ANKS1B: variants seen among roughly 807,000 people sequenced by gnomAD.
ANKS1B encodes the protein ankyrin repeat and sterile alpha motif domain-containing protein 1B.
In ANKS1B, 36 loss-of-function variants were observed where a neutral mutation model predicts 148.3. The ratio of observed to expected loss-of-function variants is 0.24; its 90% CI spans 0.19 to 0.32. The LOEUF (loss-of-function observed/expected upper bound fraction) is 0.32, where lower values mean the gene tolerates loss of function less well. Among genes scored for constraint, ANKS1B ranks in the 10% least tolerant of loss-of-function variants. ANKS1B has a pLI of 1.00. For missense variants in ANKS1B, 1,157 were observed against 1,542.6 expected (o/e 0.75, Z 4.19); for synonymous variants, 542 against 560.8 (o/e 0.97, Z 0.47).
intron 9 of ANKS1B, among the ~76,000 whole-genome samples, chr12:99,522,413 G>T (rs2096883833): frequency 6.6e-6 from 1 of 152,184 alleles, no homozygotes; most frequent in Non-Finnish European, 1.5e-5. Context: ...CTGCTTCAAA[G>T]TGACTAATCA....
At chr12:99,779,271 A>T (rs1254772736) in intron 6 of ANKS1B, among the ~76,000 whole-genome samples, 4 of 152,228 alleles carry the variant, frequency 2.6e-5, no homozygotes, top group African/African-American at 9.6e-5. Flanking sequence ...GGCTGGTAAG[A>T]CTGAGTTATT....
intron 9 of ANKS1B, among the ~76,000 whole-genome samples, chr12:99,544,025 A>G (rs1030083813): frequency 3.3e-5 from 5 of 152,342 alleles, no homozygotes; most frequent in African/African-American, 1.2e-4. Context: ...TTCTGCCACT[A>G]TGTTTCACAA....
intron 10 of ANKS1B, among the ~76,000 whole-genome samples, chr12:99,491,558 G>A (rs2096555552): frequency 6.6e-6 from 1 of 151,942 alleles, no homozygotes; most frequent in Non-Finnish European, 1.5e-5. Context: ...CCCACAAGTA[G>A]GCCCCAGGGT....
At chr12:99,124,411 T>G (rs984061132) in intron 15 of ANKS1B, among the ~76,000 whole-genome samples, 3 of 137,660 alleles carry the variant, frequency 2.2e-5, no homozygotes, top group Non-Finnish European at 4.7e-5. Flanking sequence ...CAAACTTATT[T>G]GTGTGCATGT....
In ANKS1B at chr12:99,718,327, A is replaced by G. The variant is rs1405250485; in HGVS notation, c.1128+54595T>C. 5.3e-5 allele frequency among the ~76,000 whole-genome samples: 8 copies of G among 151,860 alleles called. No homozygotes were observed. In the South Asian group the frequency reaches 6.2e-4, roughly 12 times the overall value. On this transcript the variant is annotated intron_variant, in intron 8 of 26. Coordinates refer to ENST00000683438, the MANE Select transcript of ANKS1B (RefSeq NM_001352186.2). ...TGGACTACAGCTGTATCTCATTGCC[A>G]CCCTTCTTCCCAATCCAAAGCCTCC...
intron 25 of ANKS1B, among the ~76,000 whole-genome samples, chr12:98,763,404 A>G (rs2098438611): frequency 6.6e-6 from 1 of 152,240 alleles, no homozygotes; most frequent in Admixed American, 6.5e-5. Flanking sequence ...AATATTAGCA[A>G]TTCTGCTAAG....
intron 12 of ANKS1B, among the ~76,000 whole-genome samples, chr12:99,327,322 A>ATT (rs2086606668): frequency 9.4e-6 from 1 of 105,866 alleles, no homozygotes; most frequent in African/African-American, 5.0e-5. Flanking sequence ...TTATAATTAC[A>ATT]TATTATATAT....
At chr12:98,782,191 T>A (rs927511958) in intron 22 of ANKS1B, 54 bp from the exon 23 acceptor site, 3 of 1,473,982 alleles carry the variant, frequency 2.0e-6, no homozygotes, top group Non-Finnish European at 2.8e-6. Flanking sequence ...AGAAAACATA[T>A]AAAAGGTGAG....
chr12:99,377,691 T>G (rs1425611657), intron 12 of ANKS1B, among the ~76,000 whole-genome samples: 1 of 152,178 alleles, frequency 6.6e-6, no homozygotes. Context: ...ATTGAAGGCA[T>G]TTGCATGTTT....
At chr12:98,912,076 G>A (rs184093635) in intron 17 of ANKS1B, among the ~76,000 whole-genome samples, 3 of 152,152 alleles carry the variant, frequency 2.0e-5, no homozygotes, top group Admixed American at 2.0e-4. Flanking sequence ...TTCATACCAG[G>A]CGCACTTCTA....
At chr12:99,540,545 G>C (rs2153119831) in intron 9 of ANKS1B, among the ~76,000 whole-genome samples, 1 of 152,210 alleles carries the variant, frequency 6.6e-6, no homozygotes, top group Non-Finnish European at 1.5e-5. Flanking sequence ...TGTGGAAATA[G>C]TCAACATGCT....
At position 99,275,082 on chromosome 12, in the gene ANKS1B, G is replaced by A. The variant is rs113512113; in HGVS notation, c.1757-28218C>T. 3.8e-3 allele frequency among the ~76,000 whole-genome samples: 584 copies of A among 152,232 alleles called. 2 individuals are homozygous for A. The highest frequency in any genetic ancestry group is 0.013 in the African/African-American group (549 of 41,532). ...AAATTTTTGTGGGTAGATAGTAGGT[G>A]TATGTATTAATGGAGTAAATGAAAC... is the stretch of plus-strand genomic sequence containing the variant. On this transcript the variant is annotated intron_variant, in intron 12 of 26. Transcript: ENST00000683438.
intron 1 of ANKS1B, among the ~76,000 whole-genome samples, chr12:99,876,729 CA>C (rs2092095031): frequency 9.3e-5 from 1 of 10,716 alleles, no homozygotes; most frequent in African/African-American, 8.1e-4. Context: ...CACTGCTTCT[CA>C]CAAAAAAAAA....
At chr12:99,333,123 GAA>G (rs1205837208) in intron 12 of ANKS1B, among the ~76,000 whole-genome samples, 3 of 152,050 alleles carry the variant, frequency 2.0e-5, no homozygotes, top group Non-Finnish European at 2.9e-5. Flanking sequence ...AGTACACAGA[GAA>G]AAGTAAAGGC....
intron 8 of ANKS1B, among the ~76,000 whole-genome samples, chr12:99,702,512 G>C (rs4986696): frequency 0.19 from 28,795 of 151,920 alleles, 3,213 homozygotes; most frequent in East Asian, 0.46. Flanking sequence ...TTTGTTGATT[G>C]CTTACTTTCC....
intron 9 of ANKS1B, among the ~76,000 whole-genome samples, chr12:99,538,338 T>C (rs1192073880): frequency 6.6e-6 from 1 of 152,146 alleles, no homozygotes; most frequent in African/African-American, 2.4e-5. Flanking sequence ...AATCTGTACA[T>C]TTCTTTGGGT....
chr12:98,991,057 C>A (rs571771731), intron 17 of ANKS1B, among the ~76,000 whole-genome samples: 1 of 152,120 alleles, frequency 6.6e-6, no homozygotes, highest in African/African-American at 2.4e-5. Flanking sequence ...GGATGAGGGA[C>A]CTCAGGAAGA....
chr12:99,507,621 G>A (rs1797743654), intron 9 of ANKS1B, among the ~76,000 whole-genome samples: 1 of 151,764 alleles, frequency 6.6e-6, no homozygotes, highest in Admixed American at 6.6e-5. Flanking sequence ...TCCTAATGGA[G>A]GGCCATAATT....
chr12:98,954,689 T>C lies in ANKS1B; in HGVS notation c.2778+98468A>G, dbSNP rs193069771. 1.7e-3 allele frequency among the ~76,000 whole-genome samples: 255 copies of C among 152,266 alleles called. 1 individual carries two copies. Among genetic ancestry groups the C allele is most frequent in the African/African-American group, 5.8e-3 (243 of 41,556 alleles). Reference sequence around the variant, plus strand: ...TGTCCATTAGTTAACCAGAGAGAAATATGAGAACAGATGATGTCACTATAT... The same window carrying C: ...TGTCCATTAGTTAACCAGAGAGAAACATGAGAACAGATGATGTCACTATAT... On this transcript the variant is annotated intron_variant, in intron 17 of 26. Transcript: ENST00000683438.
Sources: gnomAD v4.1 joint callset for allele counts (sites outside exome capture counted in the v4.1 genomes callset) on GRCh38, gnomAD v4.1.1 for gene constraint, MANE v1.5 for transcripts, NCBI Gene and HGNC (gene_info 2026-07-23, HGNC 2026-07-21) for gene names.